Variants in AMZ1 observed in about 807,000 individuals in gnomAD.
AMZ1 encodes the protein archaemetzincin-1.
AMZ1 carries 39 observed loss-of-function variants against 29.9 expected under a neutral mutation model. That is an observed-to-expected ratio of 1.30 (90% CI 1.01 to 1.70). The LOEUF (loss-of-function observed/expected upper bound fraction) is 1.70. AMZ1 is among the 40% of genes most tolerant of loss of function. The pLI is 0.00. For synonymous variants in AMZ1, 458 were observed against 304.0 expected, an observed-to-expected ratio of 1.51 and a Z score of -5.27; for missense variants, 1,041 against 680.6, an observed-to-expected ratio of 1.53 and a Z score of -5.89.
At position 2,700,708 on chromosome 7, in the gene AMZ1, A is replaced by T. The variant is rs1257466967; in HGVS notation, c.257A>T (p.His86Leu). 6.2e-7 allele frequency: 1 copy of T among 1,613,112 alleles called. No homozygotes were observed. Among genetic ancestry groups the T allele is most frequent in the Non-Finnish European group, 8.5e-7 (1 of 1,180,008 alleles). ...DFQTFHASLQ[H>L]RKPRLARKHI... ...CAGACCTTCCACGCCTCCCTGCAGC[A>T]CCGGAAGCCCCGCCTGGCTCGGAAG... Residue 86 changes from histidine to leucine, a missense_variant, in exon 2 of 7, where the codon CAC becomes CTC. Transcript: ENST00000683327.
intron 1 of AMZ1, among the ~76,000 whole-genome samples, chr7:2,681,872 C>G (rs1203477730): frequency 6.6e-6 from 1 of 152,090 alleles, no homozygotes; most frequent in Non-Finnish European, 1.5e-5. Context: ...GATAGAAACT[C>G]AGAGAGACAG....
At chr7:2,685,855 GAAAAAAAAAA>G (rs10710624), upstream of AMZ1, among the ~76,000 whole-genome samples, 2 of 86,762 alleles carry the variant, frequency 2.3e-5, no homozygotes, top group East Asian at 3.3e-4. Context: ...TCCGTCTCAA[GAAAAAAAAAA>G]AAAAAAAAAA....
At chr7:2,762,444 C>G (rs1791605653), upstream of AMZ1, 2 of 521,786 alleles carry the variant, frequency 3.8e-6, no homozygotes. Context: ...AAAAACGCTA[C>G]TTAACTCCAA....
intron 3 of AMZ1, among the ~76,000 whole-genome samples, chr7:2,708,166 G>A (rs777018468): frequency 2.0e-5 from 3 of 152,154 alleles, no homozygotes; most frequent in Non-Finnish European, 4.4e-5. Context: ...GCTGGCTGCT[G>A]CAGAAAAACG....
chr7:2,742,046 G>C (rs1004881596), intron 4 of AMZ1, among the ~76,000 whole-genome samples: 5 of 150,754 alleles, frequency 3.3e-5, no homozygotes, highest in African/African-American at 9.8e-5. Context: ...TTTTGAGATG[G>C]AGTCTCACCC....
chr7:2,712,893 C>T lies in AMZ1; in HGVS notation c.*15C>T, dbSNP rs1051000785. ...AAGAGAGTTAGTACAGCAGGGGCTG[C>T]CCTACGTCTCCTTCCCTAAGGATGC... On this transcript the variant is annotated 3_prime_UTR_variant, in exon 7 of 7. Coordinates refer to ENST00000683327, the MANE Select transcript of AMZ1 (RefSeq NM_001384743.1). The T allele has an allele frequency of 6.6e-7, 1 of 1,509,306 alleles. No homozygotes were observed. Among genetic ancestry groups the T allele is most frequent in the East Asian group, 2.3e-5 (1 of 43,570 alleles). The allele number at this position is 1,509,306 out of a possible 1,614,324, so 93.5% of individuals were successfully genotyped here.
intron 5 of AMZ1, 82 bp downstream of exon 5, chr7:2,709,326 C>G: frequency 7.4e-7 from 1 of 1,352,496 alleles, no homozygotes; most frequent in Non-Finnish European, 9.8e-7. Context: ...TTACACTGCC[C>G]CATCCTCACA....
rs150554846 is a variant in AMZ1, at chr7:2,717,983, G to A, written c.*5105G>A. Among the ~76,000 whole-genome samples the A allele has an allele frequency of 7.2e-5, 11 of 152,166 alleles. No homozygotes were observed. The highest frequency in any genetic ancestry group is 1.4e-4 in the African/African-American group (6 of 41,434). On this transcript the variant is annotated 3_prime_UTR_variant, in exon 7 of 7. Transcript: ENST00000683327. ...GTCACCGGAGTCGAGCAAACACGGC[G>A]GCCCCTGCCTCCCCCGGCGGCTCCA...
At chr7:2,699,788 C>T (rs901243639) in intron 1 of AMZ1, among the ~76,000 whole-genome samples, 2 of 152,144 alleles carry the variant, frequency 1.3e-5, no homozygotes, top group East Asian at 1.9e-4. Flanking sequence ...CTGGAGGGGC[C>T]CTTCTAGCTC....
upstream of AMZ1, among the ~76,000 whole-genome samples, chr7:2,685,277 G>A (rs1026357460): frequency 4.0e-4 from 61 of 151,744 alleles, no homozygotes; most frequent in Non-Finnish European, 7.4e-4. Flanking sequence ...GAACATTCAG[G>A]CCAGGCTCGG....
At chr7:2,762,549 G>A (rs187896591), upstream of AMZ1, 888 of 1,335,772 alleles carry the variant, frequency 6.6e-4, no homozygotes, top group Admixed American at 2.0e-3. Flanking sequence ...TTCTATTCTG[G>A]AGTTAGATCC....
chr7:2,715,603 G>A lies in AMZ1; in HGVS notation c.*2725G>A, dbSNP rs7797295. The A allele has an allele frequency of 1.3e-5, 2 of 152,032 alleles. No homozygotes were observed. Among genetic ancestry groups the A allele is most frequent in the Non-Finnish European group, 2.9e-5 (2 of 68,008 alleles). The allele number at this position is 152,032 out of a possible 1,614,324, so 9.4% of individuals were successfully genotyped here. A position where few individuals can be genotyped will look rare whatever the true frequency, so the allele number is the denominator to read the frequency against. On this transcript the variant is annotated 3_prime_UTR_variant, in exon 7 of 7. Transcript: ENST00000683327. Reference sequence around the variant, plus strand: ...AAAAAAAACTCCTTTTATCCGCAGCGTTTACCAACTTGCAGATGTCAGTGA... The same window carrying A: ...AAAAAAAACTCCTTTTATCCGCAGCATTTACCAACTTGCAGATGTCAGTGA...
At chr7:2,753,551 G>A (rs1250641147) in intron 4 of AMZ1, among the ~76,000 whole-genome samples, 1 of 152,116 alleles carries the variant, frequency 6.6e-6, no homozygotes, top group Non-Finnish European at 1.5e-5. Context: ...AGAATTCCAT[G>A]GTCTGAACGT....
intron 4 of AMZ1, chr7:2,728,922 G>A (rs1008123341): frequency 2.6e-5 from 4 of 152,426 alleles, no homozygotes; most frequent in Non-Finnish European, 4.4e-5. Flanking sequence ...AGCGGGTCAA[G>A]AGCCCGCGCC....
intron 4 of AMZ1, among the ~76,000 whole-genome samples, chr7:2,734,511 A>C (rs1239662063): frequency 6.6e-6 from 1 of 152,198 alleles, no homozygotes; most frequent in Non-Finnish European, 1.5e-5. Flanking sequence ...GAGAATTTTA[A>C]GGAGAGAAGG....
chr7:2,762,492 G>A (rs1791608718), upstream of AMZ1: 3 of 788,464 alleles, frequency 3.8e-6, no homozygotes, highest in South Asian at 6.9e-5. Context: ...CGGGGCCTGA[G>A]GTGTGAGTAG....
chr7:2,709,507 A>G, intron 5 of AMZ1, 133 bp from the exon 6 acceptor site: 13 of 1,337,714 alleles, frequency 9.7e-6, no homozygotes, highest in African/African-American at 1.5e-5. Flanking sequence ...GGGCAGGGGG[A>G]GGGCGCCTGG....
chr7:2,700,779 G>T (rs368867595), intron 2 of AMZ1, 24 bp downstream of exon 2: 1 of 1,605,094 alleles, frequency 6.2e-7, no homozygotes. Context: ...GCAGCCATCG[G>T]CACGCTCCTG....
chr7:2,699,000 G>A (rs557334445), intron 1 of AMZ1, among the ~76,000 whole-genome samples: 6 of 152,260 alleles, frequency 3.9e-5, no homozygotes, highest in Non-Finnish European at 5.9e-5. Context: ...AAGCTTGTCC[G>A]AGGGCTGCTG....
Sources: allele counts gnomAD v4.1 joint callset (sites outside exome capture counted in the v4.1 genomes callset), GRCh38; gene constraint gnomAD v4.1.1; transcripts MANE v1.5; gene names NCBI Gene and HGNC (gene_info 2026-07-23, HGNC 2026-07-21).